The following AR variants were observed in gnomAD, a reference collection of about 807,000 sequenced individuals.
The protein encoded by AR is androgen receptor, also known as dihydrotestosterone receptor.
Under a neutral mutation model 53.9 loss-of-function variants are expected in AR, and 8 were observed. That is an observed-to-expected ratio of 0.15 (90% CI 0.09 to 0.27). The LOEUF (loss-of-function observed/expected upper bound fraction) is 0.27. Among genes scored for constraint, AR ranks in the 10% least tolerant of loss-of-function variants. AR has a pLI of 1.00. For missense variants in AR, 639 were observed against 742.5 expected, an observed-to-expected ratio of 0.86 and a Z score of 1.62; for synonymous variants, 359 against 316.4, an observed-to-expected ratio of 1.13 and a Z score of -1.43.
intron 3 of AR, among the ~76,000 whole-genome samples, chrX:67,702,067 CAGA>C (rs1380505123): frequency 9.0e-6 from 1 of 111,515 alleles, no homozygotes; most frequent in African/African-American, 3.3e-5. Context: ...GCTTTATAAT[CAGA>C]AGATGAGGTT....
intron 5 of AR, among the ~76,000 whole-genome samples, chrX:67,721,094 T>C (rs1354006736): frequency 9.0e-6 from 1 of 111,647 alleles, no homozygotes; most frequent in Non-Finnish European, 1.9e-5. Context: ...GAAGTGACTA[T>C]AATAAATGCA....
intron 1 of AR, among the ~76,000 whole-genome samples, chrX:67,598,636 T>G (rs1483589238): frequency 9.0e-6 from 1 of 111,431 alleles, no homozygotes; most frequent in Non-Finnish European, 1.9e-5. Context: ...TTTGGCTCTT[T>G]GCTTAATATA....
At chrX:67,641,801 C>A (rs1233619413) in intron 1 of AR, among the ~76,000 whole-genome samples, 1 of 108,724 alleles carries the variant, frequency 9.2e-6, no homozygotes, top group Non-Finnish European at 1.9e-5. Context: ...TGAAAGTTTT[C>A]TTTGCTCTTG....
At chrX:67,654,865 C>G (rs1926515013) in intron 2 of AR, among the ~76,000 whole-genome samples, 1 of 87,996 alleles carries the variant, frequency 1.1e-5, no homozygotes, top group Admixed American at 1.3e-4. Context: ...CTCCTACATT[C>G]CTAGTGCTAT....
chrX:67,697,004 G>T (rs952541198), intron 3 of AR, among the ~76,000 whole-genome samples: 1 of 111,948 alleles, frequency 8.9e-6, no homozygotes, highest in Non-Finnish European at 1.9e-5. Context: ...AGGAAGGAAG[G>T]GATAGACAAG....
At chrX:67,550,754 C>T (rs1176841825) in intron 1 of AR, among the ~76,000 whole-genome samples, 2 of 109,848 alleles carry the variant, frequency 1.8e-5, no homozygotes, top group African/African-American at 6.6e-5. Context: ...ACCATTTTCT[C>T]TTTGTCTGCA....
intron 2 of AR, among the ~76,000 whole-genome samples, chrX:67,675,177 C>A (rs1274963567): frequency 9.2e-6 from 1 of 108,404 alleles, no homozygotes; most frequent in Non-Finnish European, 1.9e-5. Context: ...ATTGCAAGAC[C>A]AAGTCCTCTT....
At chrX:67,589,373 T>C (rs1312671560) in intron 1 of AR, among the ~76,000 whole-genome samples, 1 of 112,496 alleles carries the variant, frequency 8.9e-6, no homozygotes, top group East Asian at 2.8e-4. Context: ...TTCATTTCCA[T>C]ATGCCCCAAA....
chrX:67,578,504 A>G (rs1922153287), intron 1 of AR, among the ~76,000 whole-genome samples: 1 of 111,899 alleles, frequency 8.9e-6, no homozygotes, highest in Non-Finnish European at 1.9e-5. Context: ...TAAAAACAAT[A>G]AGAGCATGTT....
chrX:67,568,016 G>A (rs1751662649), intron 1 of AR, among the ~76,000 whole-genome samples: 1 of 111,238 alleles, frequency 9.0e-6, no homozygotes, highest in Non-Finnish European at 1.9e-5. Context: ...AGTGTGAAAA[G>A]AGGGTTATGC....
At chrX:67,693,184 T>G (rs1463052208) in intron 3 of AR, among the ~76,000 whole-genome samples, 2 of 112,704 alleles carry the variant, frequency 1.8e-5, no homozygotes, top group Admixed American at 1.9e-4. Context: ...GAGTACCTCC[T>G]TGTAAAATTT....
chrX:67,677,027 C>A (rs2075904421), intron 2 of AR, among the ~76,000 whole-genome samples: 1 of 110,488 alleles, frequency 9.1e-6, no homozygotes. Context: ...CAAACTTTGT[C>A]CTCTGGCCTC....
chrX:67,668,148 T>C (rs1927359736), intron 2 of AR, among the ~76,000 whole-genome samples: 1 of 112,139 alleles, frequency 8.9e-6, no homozygotes, highest in Non-Finnish European at 1.9e-5. Flanking sequence ...TTTCAGATCT[T>C]ATAGCCAAGG....
chrX:67,547,008 G>A (rs1929794077), intron 1 of AR, among the ~76,000 whole-genome samples: 1 of 110,092 alleles, frequency 9.1e-6, no homozygotes, highest in African/African-American at 3.3e-5. Flanking sequence ...TCCCCCAACC[G>A]CCCCAAATTC....
At chrX:67,653,633 G>A (rs1381505696) in intron 2 of AR, among the ~76,000 whole-genome samples, 1 of 111,544 alleles carries the variant, frequency 9.0e-6, no homozygotes, top group Non-Finnish European at 1.9e-5. Context: ...CTGTTTGACA[G>A]GCCTTCAGTT....
chrX:67,608,247 G>A (rs1027963838), intron 1 of AR, among the ~76,000 whole-genome samples: 9 of 111,939 alleles, frequency 8.0e-5, no homozygotes, highest in Admixed American at 4.7e-4. Context: ...ATAAAGGTGC[G>A]AATTCAAAGC....
Position 67,546,235 on chromosome X carries a change from C to T in AR, c.1089C>T (p.Asp363=). 8.3e-7 allele frequency: 1 copy of T among 1,211,373 alleles called. No homozygotes were observed. The highest frequency in any genetic ancestry group is 1.8e-5 in the South Asian group (1 of 56,917). The change falls in exon 1 of 8, where the codon GAC becomes GAT. Residue 363 remains aspartate (D), a synonymous_variant. Transcript: ENST00000374690. ...AGGCAGCTGCGTACCAGAGTCGCGACTACTACAACTTTCCACTGGCTCTGG... is the reference window on the plus strand; with the variant it reads ...AGGCAGCTGCGTACCAGAGTCGCGATTACTACAACTTTCCACTGGCTCTGG... ...LDEAAAYQSR[D]YYNFPLALAG...
At chrX:67,684,041 G>C in intron 2 of AR, among the ~76,000 whole-genome samples, 1 of 111,875 alleles carries the variant, frequency 8.9e-6, no homozygotes, top group Non-Finnish European at 1.9e-5. Flanking sequence ...GGGAAGATGA[G>C]ATTTCTCAAA....
chrX:67,699,967 C>A (rs1376158660), intron 3 of AR, among the ~76,000 whole-genome samples: 2 of 111,193 alleles, frequency 1.8e-5, no homozygotes, highest in Non-Finnish European at 3.8e-5. Context: ...ATCCATGGAA[C>A]CTGATTTGAA....
Sources: allele counts gnomAD v4.1 joint callset (sites outside exome capture counted in the v4.1 genomes callset), GRCh38; gene constraint gnomAD v4.1.1; transcripts MANE v1.5; gene names NCBI Gene and HGNC (gene_info 2026-07-23, HGNC 2026-07-21).